The following CAMK2G variants were observed in gnomAD, a reference collection of about 807,000 sequenced individuals.
CAMK2G encodes the protein calcium/calmodulin-dependent protein kinase type II subunit gamma.
Under a neutral mutation model 88.7 loss-of-function variants are expected in CAMK2G, and 23 were observed. That is an observed-to-expected ratio of 0.26 (90% CI 0.19 to 0.37). CAMK2G has a LOEUF of 0.37. Ranked by LOEUF, CAMK2G falls within the 10% of genes least tolerant of loss-of-function variation. The probability of loss-of-function intolerance (pLI) is 1.00; values close to 1 mark genes in which losing one functional copy is unlikely to be tolerated. For synonymous variants in CAMK2G, 263 were observed against 294.8 expected (o/e 0.89, Z 1.11); for missense variants, 476 against 780.8 (o/e 0.61, Z 4.65).
chr10:73,832,967 C>CTT lies in CAMK2G; in HGVS notation c.1053+4499_1053+4500dup, dbSNP rs755852421. ...CTCCAATCTTTTTTTTCTTCTCTCT[C>CTT]TTTTTTTTTTTTTTTTAAACAGAGC... is the stretch of plus-strand genomic sequence containing the variant. On this transcript the variant is annotated intron_variant, in intron 14 of 22. Coordinates refer to ENST00000423381, the MANE Select transcript of CAMK2G (RefSeq NM_001367534.1). Among the ~76,000 whole-genome samples, 4 of 96,240 alleles carry CTT rather than the reference C, an allele frequency of 4.2e-5. 1 individual carries two copies. Among genetic ancestry groups the CTT allele is most frequent in the Non-Finnish European group, 6.8e-5 (3 of 43,818 alleles). 63.1% of individuals were successfully genotyped at this position (96,240 alleles called of 152,430 possible). A position where few individuals can be genotyped will look rare whatever the true frequency, so the allele number is the denominator to read the frequency against.
chr10:73,848,182 G>A lies in CAMK2G; in HGVS notation c.602-100C>T. 2 of 754,120 alleles carry A rather than the reference G, an allele frequency of 2.7e-6. No homozygotes were observed. Among genetic ancestry groups the A allele is most frequent in the South Asian group, 3.0e-5 (2 of 67,286 alleles). The allele number at this position is 754,120 out of a possible 1,614,324, so 46.7% of individuals were successfully genotyped here. ...CTCAGAGCCACCTAGAAAGGCAGGG[G>A]CCATACCAGAGTCAGAAGTGGATGC... On this transcript the variant is annotated intron_variant, in intron 8 of 22. Transcript: ENST00000423381. The surrounding 1 kb of genome is among the most constrained non-coding windows in gnomAD (Gnocchi z 4.5).
intron 14 of CAMK2G, chr10:73,837,065 T>C (rs2134167864): frequency 4.1e-6 from 1 of 243,284 alleles, no homozygotes; most frequent in Non-Finnish European, 8.3e-6. Context: ...CCCTATACCC[T>C]GCCTGAATCA....
At chr10:73,822,017 A>T (rs1042405315) in intron 17 of CAMK2G, among the ~76,000 whole-genome samples, 7 of 152,138 alleles carry the variant, frequency 4.6e-5, no homozygotes, top group Non-Finnish European at 1.0e-4. Context: ...CTAAAATAAA[A>T]TCTTCTGGTT....
rs527588392 is a variant in CAMK2G at position 73,839,417 on chromosome 10, T to C, written c.1009+122A>G. 4 of 460,882 alleles carry C rather than the reference T, an allele frequency of 8.7e-6. No individual in the cohort carries two copies. Among genetic ancestry groups the C allele is most frequent in the East Asian group, 7.1e-5 (2 of 28,164 alleles). The allele number at this position is 460,882 out of a possible 1,614,324, so 28.5% of individuals were successfully genotyped here. On this transcript the variant is annotated intron_variant, in intron 13 of 22. Coordinates refer to ENST00000423381, the MANE Select transcript of CAMK2G (RefSeq NM_001367534.1). The surrounding 1 kb of genome is among the most constrained non-coding windows in gnomAD (Gnocchi z 4.2). ...GCCAAGTTAGGTAGTCTGTCTGGCATGCCCATCTCAGCCCGCAAGCATGGG... is the reference window on the plus strand; with the variant it reads ...GCCAAGTTAGGTAGTCTGTCTGGCACGCCCATCTCAGCCCGCAAGCATGGG...
At chr10:73,859,084 AT>A (rs2095245565) in intron 3 of CAMK2G, among the ~76,000 whole-genome samples, 1 of 152,206 alleles carries the variant, frequency 6.6e-6, no homozygotes, top group South Asian at 2.1e-4. Context: ...CCCTCCTCAG[AT>A]ATTGAGACCC....
Position 73,839,020 on chromosome 10 carries a change from G to A in CAMK2G, c.1009+519C>T, listed in dbSNP as rs768744948. 1.1e-4 allele frequency among the ~76,000 whole-genome samples: 16 copies of A among 152,176 alleles called. No individual in the cohort carries two copies. Among genetic ancestry groups the A allele is most frequent in the Admixed American group, 9.8e-4 (15 of 15,280 alleles). On this transcript the variant is annotated intron_variant, in intron 13 of 22. Transcript: ENST00000423381. This position sits in a 1 kb window ranked among gnomAD's most constrained non-coding sequence, Gnocchi z 4.2. ...GAATTAAGGCTGGGAGAGCTGGTGTGACTCGCTCAGGGTGTGGCAGGGCTA... is the reference window on the plus strand; with the variant it reads ...GAATTAAGGCTGGGAGAGCTGGTGTAACTCGCTCAGGGTGTGGCAGGGCTA...
chr10:73,852,170 C>A, intron 5 of CAMK2G, 84 bp downstream of exon 5: 2 of 970,368 alleles, frequency 2.1e-6, no homozygotes, highest in Non-Finnish European at 1.7e-6. Flanking sequence ...CAAACAGGTA[C>A]AATGCTGGAC....
At chr10:73,844,849 G>A (rs138255816) in intron 10 of CAMK2G, among the ~76,000 whole-genome samples, 1 of 152,244 alleles carries the variant, frequency 6.6e-6, no homozygotes, top group Non-Finnish European at 1.5e-5. Context: ...TCAGTGAAAT[G>A]ATGAAACAAT....
intron 18 of CAMK2G, among the ~76,000 whole-genome samples, chr10:73,820,493 T>TATATA (rs1491202927): frequency 0.015 from 469 of 30,778 alleles, no homozygotes; most frequent in South Asian, 0.037. Context: ...TATATATATA[T>TATATA]TTTTTTTTTT....
At position 73,874,540 on chromosome 10, in the gene CAMK2G, A is replaced by C; in HGVS notation, c.-79T>G. On this transcript the variant is annotated 5_prime_UTR_variant, in exon 1 of 23. Coordinates refer to ENST00000423381, the MANE Select transcript of CAMK2G (RefSeq NM_001367534.1). ...TCACCGCCGCCCGGCCGAGGGAGCA[A>C]GAGGAGGAGACGGGGCTGAGCCCGG... 2 of 1,018,676 alleles carry C rather than the reference A, an allele frequency of 2.0e-6. No homozygotes were observed. Among genetic ancestry groups the C allele is most frequent in the Non-Finnish European group, 2.7e-6 (2 of 741,220 alleles). 63.1% of individuals were successfully genotyped at this position (1,018,676 alleles called of 1,614,324 possible).
At chr10:73,847,487 C>G (rs902913728) in intron 9 of CAMK2G, 140 bp from the exon 10 acceptor site, 16 of 854,544 alleles carry the variant, frequency 1.9e-5, no homozygotes, top group Non-Finnish European at 1.1e-5. Flanking sequence ...TGGAGAAGCC[C>G]TGCGGCTATT....
At chr10:73,847,071 A>G in intron 10 of CAMK2G, 154 bp downstream of exon 10, 1 of 693,776 alleles carries the variant, frequency 1.4e-6, no homozygotes, top group Admixed American at 2.8e-5. Flanking sequence ...GGTGACATTT[A>G]TTGACCCTGG....
In CAMK2G at chr10:73,839,304, C is replaced by T. The variant is rs1211156656; in HGVS notation, c.1009+235G>A. 6.6e-6 allele frequency among the ~76,000 whole-genome samples: 1 copy of T among 152,212 alleles called. No individual in the cohort carries two copies. Among genetic ancestry groups the T allele is most frequent in the Non-Finnish European group, 1.5e-5 (1 of 68,022 alleles). ...AAGGCTCCCGCTGCCCAGCTCCATG[C>T]CCCCAGGCTACTGCCCCCTGAAAGT... On this transcript the variant is annotated intron_variant, in intron 13 of 22. Coordinates refer to ENST00000423381, the MANE Select transcript of CAMK2G (RefSeq NM_001367534.1). This position sits in a 1 kb window ranked among gnomAD's most constrained non-coding sequence, Gnocchi z 4.2.
Position 73,839,880 on chromosome 10 carries a change from G to A in CAMK2G, c.947-279C>T, listed in dbSNP as rs2093630111. ...TGTCTCATGACCCCCTCCGGAGGAG[G>A]GTCCACAGCGAAATGCCTGAGCCGG... is the stretch of plus-strand genomic sequence containing the variant. On this transcript the variant is annotated intron_variant, in intron 12 of 22. Coordinates refer to ENST00000423381, the MANE Select transcript of CAMK2G (RefSeq NM_001367534.1). The surrounding 1 kb of genome is among the most constrained non-coding windows in gnomAD (Gnocchi z 4.2). Among the ~76,000 whole-genome samples, 1 of 152,182 alleles carries A rather than the reference G, an allele frequency of 6.6e-6. No individual in the cohort carries two copies. Among genetic ancestry groups the A allele is most frequent in the Non-Finnish European group, 1.5e-5 (1 of 68,014 alleles).
intron 3 of CAMK2G, among the ~76,000 whole-genome samples, chr10:73,854,026 T>G (rs568165502): frequency 6.6e-6 from 1 of 152,204 alleles, no homozygotes; most frequent in East Asian, 1.9e-4. Context: ...GGACACAAAG[T>G]CTCTTAACAA....
chr10:73,838,235 C>A (rs927584480), intron 13 of CAMK2G, among the ~76,000 whole-genome samples: 7 of 152,176 alleles, frequency 4.6e-5, no homozygotes, highest in Non-Finnish European at 8.8e-5. Flanking sequence ...CAGCTGGCCA[C>A]AAAAGGCCAC....
At chr10:73,868,232 C>T (rs539274335) in intron 2 of CAMK2G, among the ~76,000 whole-genome samples, 2 of 152,144 alleles carry the variant, frequency 1.3e-5, no homozygotes, top group South Asian at 2.1e-4. Flanking sequence ...AGCACAGCTT[C>T]GAACAAGGGT....
intron 3 of CAMK2G, among the ~76,000 whole-genome samples, chr10:73,858,130 G>T (rs887792422): frequency 6.6e-6 from 1 of 152,136 alleles, no homozygotes; most frequent in Non-Finnish European, 1.5e-5. Context: ...TTAACTCCTG[G>T]GACAGAATAT....
chr10:73,820,681 T>C (rs1274266281), intron 18 of CAMK2G, among the ~76,000 whole-genome samples: 1 of 126,982 alleles, frequency 7.9e-6, no homozygotes, highest in Admixed American at 7.8e-5. Context: ...TTTTTTTTTT[T>C]TTTTTTTTGA....
Sources: allele counts gnomAD v4.1 joint callset (sites outside exome capture counted in the v4.1 genomes callset), GRCh38; gene constraint gnomAD v4.1.1; non-coding constraint Gnocchi (gnomAD v3.1); transcripts MANE v1.5; gene names NCBI Gene and HGNC (gene_info 2026-07-23, HGNC 2026-07-21).